PXDNL: variants seen among roughly 807,000 people sequenced by gnomAD.
The protein encoded by PXDNL is peroxidasin like.
Under a neutral mutation model 150.8 loss-of-function variants are expected in PXDNL, and 145 were observed. The ratio of observed to expected loss-of-function variants is 0.96; its 90% CI spans 0.84 to 1.10. The LOEUF (loss-of-function observed/expected upper bound fraction) is 1.10. Ranked by LOEUF, PXDNL falls within the 50% of genes least tolerant of loss-of-function variation. The pLI, the probability that PXDNL is intolerant of heterozygous loss-of-function variation, is 0.00. For missense variants in PXDNL, 2,087 were observed against 1,873.9 expected, an observed-to-expected ratio of 1.11 and a Z score of -2.10; for synonymous variants, 757 against 725.7, an observed-to-expected ratio of 1.04 and a Z score of -0.69.
intron 1 of PXDNL, among the ~76,000 whole-genome samples, chr8:51,762,529 C>T (rs2037176549): frequency 6.6e-6 from 1 of 152,188 alleles, no homozygotes; most frequent in Admixed American, 6.5e-5. Flanking sequence ...TTATCTTTAA[C>T]CTGAACATTC....
intron 1 of PXDNL, among the ~76,000 whole-genome samples, chr8:51,742,556 CCA>C (rs1390518199): frequency 6.6e-6 from 1 of 151,780 alleles, no homozygotes; most frequent in Non-Finnish European, 1.5e-5. Context: ...TCATGGGAAT[CCA>C]CAGTTATCTC....
intron 17 of PXDNL, among the ~76,000 whole-genome samples, chr8:51,377,359 C>A (rs1369800983): frequency 2.6e-5 from 4 of 152,154 alleles, no homozygotes; most frequent in South Asian, 2.1e-4. Context: ...GCAGCCCTGG[C>A]AGCCCTCACT....
chr8:51,408,137 T>G lies in PXDNL; in HGVS notation c.3487A>C (p.Thr1163Pro), dbSNP rs1808487198. 1 of 1,613,276 alleles carries G rather than the reference T, an allele frequency of 6.2e-7. No homozygotes were observed. Among genetic ancestry groups the G allele is most frequent in the Non-Finnish European group, 8.5e-7 (1 of 1,179,660 alleles). ...AGATCCTCAAAGTTCTTAACTGAAG[T>G]CAAATTACAGAAAACTCTGAAGTCA... ...YVDFRVFCNL[T>P]SVKNFEDLQN... The change falls in exon 17 of 23, where the codon ACT becomes CCT. Residue 1163 changes from threonine (T) to proline (P), a missense_variant. Coordinates refer to ENST00000356297, the MANE Select transcript of PXDNL (RefSeq NM_144651.5).
chr8:51,507,424 G>T (rs1310256746), intron 4 of PXDNL, among the ~76,000 whole-genome samples: 1 of 152,200 alleles, frequency 6.6e-6, no homozygotes, highest in South Asian at 2.1e-4. Flanking sequence ...AGCTGAGCGG[G>T]ACAGAAGCAC....
At chr8:51,537,604 C>G (rs1010942521) in intron 4 of PXDNL, among the ~76,000 whole-genome samples, 3 of 152,126 alleles carry the variant, frequency 2.0e-5, no homozygotes, top group African/African-American at 7.2e-5. Context: ...CCACCCCCTC[C>G]ACTGACCTAT....
intron 4 of PXDNL, among the ~76,000 whole-genome samples, chr8:51,515,073 G>A (rs16916443): frequency 0.019 from 2,888 of 152,296 alleles, 85 homozygotes; most frequent in African/African-American, 0.065. Flanking sequence ...AGGAGGCTGC[G>A]TCCTCGCCAG....
intron 1 of PXDNL, among the ~76,000 whole-genome samples, chr8:51,760,845 CTTTTTTTTTTTTTTTTTTTTTTT>C (rs71237237): frequency 2.2e-5 from 1 of 45,476 alleles, no homozygotes; most frequent in Non-Finnish European, 3.8e-5. Flanking sequence ...ATCACTTAAA[CTTTTTTTTTTTTTTTTTTTTTTT>C]TTTTTTTTGA....
At chr8:51,801,874 A>T (rs1468355198) in intron 1 of PXDNL, among the ~76,000 whole-genome samples, 5 of 152,178 alleles carry the variant, frequency 3.3e-5, no homozygotes, top group Admixed American at 6.5e-5. Context: ...CTGTTGGGAA[A>T]TCTACCTTTG....
rs577667051 is a variant in PXDNL, at chr8:51,559,127, G to C, written c.309-2216C>G. ...CCTTATTGGTGTGCAGGACCTAAAA[G>C]GATATCTCAAATGGAAAACTTAACA... On this transcript the variant is annotated intron_variant, in intron 3 of 22. Transcript: ENST00000356297. Among the ~76,000 whole-genome samples the C allele has an allele frequency of 7.2e-5, 11 of 152,004 alleles. No individual in the cohort carries two copies. In the East Asian group the frequency reaches 2.1e-3, roughly 29 times the overall value.
chr8:51,475,385 T>C (rs1810449551), intron 6 of PXDNL, among the ~76,000 whole-genome samples: 1 of 151,890 alleles, frequency 6.6e-6, no homozygotes, highest in Non-Finnish European at 1.5e-5. Context: ...GGAAAAGTGG[T>C]TTTCCCTTAA....
chr8:51,675,492 C>T (rs1815593388), intron 1 of PXDNL, among the ~76,000 whole-genome samples: 1 of 152,052 alleles, frequency 6.6e-6, no homozygotes, highest in African/African-American at 2.4e-5. Flanking sequence ...AATTTCTGTC[C>T]TGTAGAAATT....
At chr8:51,672,702 C>T (rs1450629557) in intron 1 of PXDNL, among the ~76,000 whole-genome samples, 2 of 152,064 alleles carry the variant, frequency 1.3e-5, no homozygotes, top group Non-Finnish European at 2.9e-5. Context: ...GGAGAAATAA[C>T]TGTGGGACTT....
At chr8:51,520,962 CTG>C (rs1249414233) in intron 4 of PXDNL, among the ~76,000 whole-genome samples, 11 of 152,164 alleles carry the variant, frequency 7.2e-5, no homozygotes, top group Admixed American at 7.2e-4. Context: ...TGGCTCATGA[CTG>C]TAATCCCAGC....
chr8:51,707,169 G>A (rs2130892142), intron 1 of PXDNL, among the ~76,000 whole-genome samples: 1 of 152,270 alleles, frequency 6.6e-6, no homozygotes, highest in African/African-American at 2.4e-5. Context: ...TCAGTGGTTT[G>A]TTTTGCTCGC....
chr8:51,643,900 A>T (rs1020536528), intron 2 of PXDNL, among the ~76,000 whole-genome samples: 5 of 152,192 alleles, frequency 3.3e-5, no homozygotes, highest in Non-Finnish European at 5.9e-5. Context: ...GACACTTCTC[A>T]AAAGAAGACA....
At chr8:51,699,486 A>G (rs1816206744) in intron 1 of PXDNL, among the ~76,000 whole-genome samples, 1 of 152,170 alleles carries the variant, frequency 6.6e-6, no homozygotes, top group Non-Finnish European at 1.5e-5. Context: ...TTGCTCTTCT[A>G]TGCAGATTTC....
At chr8:51,446,923 A>G (rs1439273698) in intron 12 of PXDNL, 81 bp downstream of exon 12, 3 of 1,225,008 alleles carry the variant, frequency 2.4e-6, no homozygotes, top group East Asian at 2.3e-5. Context: ...CATATATGTC[A>G]TAAGATCCCT....
intron 12 of PXDNL, among the ~76,000 whole-genome samples, chr8:51,431,461 A>G (rs895024196): frequency 1.3e-5 from 2 of 152,308 alleles, no homozygotes; most frequent in African/African-American, 2.4e-5. Flanking sequence ...CCTTGACTGT[A>G]TGAAACTGCC....
In PXDNL at chr8:51,411,939, T is replaced by C. The variant is rs545518009; in HGVS notation, c.1905-532A>G. 2.5e-4 allele frequency among the ~76,000 whole-genome samples: 38 copies of C among 152,286 alleles called. 1 individual carries two copies. The South Asian group carries it at 7.7e-3, about 31-fold the overall frequency. ...ACTCCTGTATCCTTAAATATGTGTC[T>C]TATATACTCAGTAAAATGTACTTGA... is the stretch of plus-strand genomic sequence containing the variant. On this transcript the variant is annotated intron_variant, in intron 15 of 22. Transcript: ENST00000356297.
Sources: allele counts gnomAD v4.1 joint callset (sites outside exome capture counted in the v4.1 genomes callset), GRCh38; gene constraint gnomAD v4.1.1; transcripts MANE v1.5; gene names NCBI Gene and HGNC (gene_info 2026-07-23, HGNC 2026-07-21).